The following LHFPL3 variants were observed in gnomAD, a reference collection of about 807,000 sequenced individuals.
LHFPL3 encodes LHFPL tetraspan subfamily member 3 protein.
Under a neutral mutation model 19.3 loss-of-function variants are expected in LHFPL3, and 5 were observed. That is an observed-to-expected ratio of 0.26 (90% CI 0.14 to 0.54). The LOEUF (loss-of-function observed/expected upper bound fraction) is 0.54. LHFPL3 is among the 20% of genes least tolerant of loss of function. LHFPL3 has a pLI of 0.94. For synonymous variants in LHFPL3, 133 were observed against 126.2 expected, an observed-to-expected ratio of 1.05 and a Z score of -0.36; for missense variants, 249 against 307.4, an observed-to-expected ratio of 0.81 and a Z score of 1.42.
chr7:104,714,685 C>G (rs1584493569), intron 1 of LHFPL3, among the ~76,000 whole-genome samples: 1 of 152,120 alleles, frequency 6.6e-6, no homozygotes, highest in East Asian at 1.9e-4. Context: ...ATTTTGTTAT[C>G]TGGAACCCCA....
chr7:104,673,536 A>G (rs1792527317), intron 1 of LHFPL3, among the ~76,000 whole-genome samples: 1 of 152,210 alleles, frequency 6.6e-6, no homozygotes, highest in Admixed American at 6.5e-5. Flanking sequence ...CTGACCTCAA[A>G]TGGAGCCAAA....
chr7:104,841,309 G>A (rs1040547707), intron 2 of LHFPL3, among the ~76,000 whole-genome samples: 5 of 152,132 alleles, frequency 3.3e-5, no homozygotes, highest in Non-Finnish European at 7.4e-5. Context: ...ATGTAGCTAA[G>A]ACAGAACCTT....
intron 1 of LHFPL3, among the ~76,000 whole-genome samples, chr7:104,391,930 T>A (rs1226460177): frequency 1.3e-5 from 2 of 152,216 alleles, no homozygotes; most frequent in Non-Finnish European, 2.9e-5. Flanking sequence ...CCTAGGTATT[T>A]TATTCTTTTT....
At chr7:104,445,514 A>G (rs1792314581) in intron 1 of LHFPL3, among the ~76,000 whole-genome samples, 1 of 152,216 alleles carries the variant, frequency 6.6e-6, no homozygotes, top group African/African-American at 2.4e-5. Flanking sequence ...ATAAATGTTC[A>G]ATAAACTTTT....
intron 1 of LHFPL3, among the ~76,000 whole-genome samples, chr7:104,485,891 T>A (rs1793226283): frequency 6.6e-6 from 1 of 152,248 alleles, no homozygotes; most frequent in Non-Finnish European, 1.5e-5. Context: ...TTTCTGTCCT[T>A]GTGTCTATCA....
chr7:104,647,126 G>A (rs1791949160), intron 1 of LHFPL3, among the ~76,000 whole-genome samples: 1 of 152,170 alleles, frequency 6.6e-6, no homozygotes, highest in African/African-American at 2.4e-5. Context: ...CATAACAAAA[G>A]CACCAATCTT....
chr7:104,837,288 G>C (rs773408192), intron 2 of LHFPL3, among the ~76,000 whole-genome samples: 1 of 152,186 alleles, frequency 6.6e-6, no homozygotes, highest in African/African-American at 2.4e-5. Flanking sequence ...AGAGACGTCT[G>C]ATCTACCCTA....
intron 1 of LHFPL3, among the ~76,000 whole-genome samples, chr7:104,455,094 C>T (rs780247174): frequency 1.3e-5 from 2 of 152,128 alleles, no homozygotes; most frequent in Non-Finnish European, 2.9e-5. Flanking sequence ...AATCTTGATG[C>T]ACAAATTAGG....
chr7:104,842,856 A>G (rs1167399788), intron 2 of LHFPL3, among the ~76,000 whole-genome samples: 1 of 152,164 alleles, frequency 6.6e-6, no homozygotes, highest in East Asian at 1.9e-4. Flanking sequence ...TTGCTTCTCT[A>G]AGTATCTTCT....
In LHFPL3 at chr7:104,526,107, T is replaced by C. The variant is rs984232184; in HGVS notation, c.445+196883T>C. 3.9e-5 allele frequency among the ~76,000 whole-genome samples: 6 copies of C among 152,142 alleles called. No individual in the cohort carries two copies. The South Asian group carries it at 1.2e-3, about 32-fold the overall frequency. On this transcript the variant is annotated intron_variant, in intron 1 of 2. Transcript: ENST00000424859. ...AAGATTTTGATTGATGTCACATGAG[T>C]CCCATTCTCATTCCTTTGATTTGAG...
At chr7:104,796,007 G>A (rs758816589) in intron 2 of LHFPL3, among the ~76,000 whole-genome samples, 53 of 152,172 alleles carry the variant, frequency 3.5e-4, no homozygotes, top group East Asian at 1.9e-4. Flanking sequence ...CCCCAGTGCC[G>A]GGGCTTCTGC....
Position 104,478,409 on chromosome 7 carries a change from C to A in LHFPL3, c.445+149185C>A, listed in dbSNP as rs79152628. 4.9e-3 allele frequency among the ~76,000 whole-genome samples: 746 copies of A among 152,172 alleles called. 9 individuals are homozygous for A. Among genetic ancestry groups the A allele is most frequent in the African/African-American group, 0.017 (712 of 41,532 alleles). The stretch of plus-strand genomic sequence containing the variant: ...GGGCTCTTGGGGGTAGTTTTGATGT[C>A]TGCTTTTTCTGTCCTTTCTCCTCTT... On this transcript the variant is annotated intron_variant, in intron 1 of 2. Coordinates refer to ENST00000424859, the MANE Select transcript of LHFPL3 (RefSeq NM_199000.3).
chr7:104,811,375 T>C (rs976665654), intron 2 of LHFPL3, among the ~76,000 whole-genome samples: 2 of 151,916 alleles, frequency 1.3e-5, no homozygotes, highest in Admixed American at 1.3e-4. Flanking sequence ...TTTAATTTTA[T>C]TTTTTTGTAG....
intron 1 of LHFPL3, among the ~76,000 whole-genome samples, chr7:104,666,545 G>A (rs1792353564): frequency 5.7e-5 from 1 of 17,404 alleles, no homozygotes; most frequent in Non-Finnish European, 1.4e-4. Flanking sequence ...TTTTTGAGAC[G>A]GAGTCTCGCT....
chr7:104,707,606 C>T (rs572562412), intron 1 of LHFPL3, among the ~76,000 whole-genome samples: 1 of 152,316 alleles, frequency 6.6e-6, no homozygotes, highest in East Asian at 1.9e-4. Flanking sequence ...CTCCCTCTGA[C>T]ACGTGAGGAG....
intron 1 of LHFPL3, among the ~76,000 whole-genome samples, chr7:104,411,368 T>G (rs539702345): frequency 6.6e-6 from 1 of 152,328 alleles, no homozygotes; most frequent in East Asian, 1.9e-4. Flanking sequence ...GCTGGATATA[T>G]TCTTTGCAGT....
At chr7:104,468,681 T>G (rs1213884143) in intron 1 of LHFPL3, among the ~76,000 whole-genome samples, 1 of 150,284 alleles carries the variant, frequency 6.7e-6, no homozygotes, top group African/African-American at 2.5e-5. Context: ...TTTTCCGAGT[T>G]GGAGTCTTGC....
At chr7:104,792,872 G>T (rs1790051829) in intron 2 of LHFPL3, among the ~76,000 whole-genome samples, 1 of 152,166 alleles carries the variant, frequency 6.6e-6, no homozygotes, top group Admixed American at 6.5e-5. Context: ...CCATCAGTCT[G>T]CATCGGATCC....
intron 1 of LHFPL3, among the ~76,000 whole-genome samples, chr7:104,629,257 T>G (rs1354829529): frequency 6.6e-6 from 1 of 152,176 alleles, no homozygotes; most frequent in East Asian, 1.9e-4. Context: ...ACATCACGGG[T>G]GTTCATATTC....
Sources: gnomAD v4.1 joint callset for allele counts (sites outside exome capture counted in the v4.1 genomes callset) on GRCh38, gnomAD v4.1.1 for gene constraint, MANE v1.5 for transcripts, NCBI Gene and HGNC (gene_info 2026-07-23, HGNC 2026-07-21) for gene names.